Variants in SRL observed in about 807,000 individuals in gnomAD.
The protein encoded by SRL is sarcalumenin.
In SRL, 23 loss-of-function variants were observed where a neutral mutation model predicts 39.5. The ratio of observed to expected loss-of-function variants is 0.58; its 90% CI spans 0.42 to 0.82. SRL has a LOEUF of 0.82. Ranked by LOEUF, SRL falls within the 40% of genes least tolerant of loss-of-function variation. SRL has a pLI of 0.00. For synonymous variants in SRL, 272 were observed against 237.4 expected, an observed-to-expected ratio of 1.15 and a Z score of -1.34; for missense variants, 592 against 607.8, an observed-to-expected ratio of 0.97 and a Z score of 0.27.
intron 3 of SRL, among the ~76,000 whole-genome samples, chr16:4,199,442 G>C (rs992342592): frequency 5.5e-5 from 7 of 127,064 alleles, no homozygotes; most frequent in Non-Finnish European, 1.1e-4. Flanking sequence ...TGTGATCATA[G>C]CTCATATAGC....
intron 5 of SRL, 97 bp from the exon 6 acceptor site, chr16:4,193,061 G>C: frequency 9.4e-7 from 1 of 1,058,654 alleles, no homozygotes; most frequent in Non-Finnish European, 1.3e-6. Flanking sequence ...GTTGAAAGAA[G>C]GAACAGCGCT....
chr16:4,226,282 G>C (rs1461031906), intron 1 of SRL, among the ~76,000 whole-genome samples: 1 of 152,200 alleles, frequency 6.6e-6, no homozygotes, highest in Non-Finnish European at 1.5e-5. Flanking sequence ...GGATGGATGG[G>C]TGGATGAACG....
chr16:4,228,305 C>T (rs979648972), intron 1 of SRL, among the ~76,000 whole-genome samples: 6 of 152,134 alleles, frequency 3.9e-5, no homozygotes, highest in Admixed American at 6.5e-5. Context: ...GATATGGCGG[C>T]GCATGCCTGT....
intron 3 of SRL, among the ~76,000 whole-genome samples, chr16:4,199,372 T>G (rs1182376972): frequency 8.3e-6 from 1 of 120,962 alleles, no homozygotes; most frequent in East Asian, 4.4e-4. Context: ...ATCTTTTTTT[T>G]TTTTTTTTTT....
At chr16:4,205,824 G>C (rs1344503308) in intron 1 of SRL, among the ~76,000 whole-genome samples, 2 of 152,038 alleles carry the variant, frequency 1.3e-5, no homozygotes, top group African/African-American at 2.4e-5. Context: ...TGTAGTCCCA[G>C]CTACTCAGGA....
intron 3 of SRL, among the ~76,000 whole-genome samples, chr16:4,201,686 T>C (rs111250649): frequency 8.1e-6 from 1 of 124,210 alleles, no homozygotes; most frequent in African/African-American, 3.5e-5. Context: ...GATGGAGTCT[T>C]GCTCTGTTAC....
At chr16:4,233,337 T>C (rs2052678694) in intron 1 of SRL, among the ~76,000 whole-genome samples, 1 of 152,216 alleles carries the variant, frequency 6.6e-6, no homozygotes, top group African/African-American at 2.4e-5. Context: ...TCATCTGTCA[T>C]TCATTAGACC....
rs753382086 is a variant in SRL, at chr16:4,242,059, C to T, written c.9G>A (p.Ala3=). The T allele has an allele frequency of 1.3e-5, 21 of 1,611,660 alleles. No individual in the cohort carries two copies. The highest frequency in any genetic ancestry group is 2.2e-5 in the East Asian group (1 of 44,846). Residue 3 remains alanine, a synonymous_variant, in exon 1 of 6, where the codon GCG becomes GCA. Transcript: ENST00000399609. The part of the protein sequence containing the change: MR[A]LVLLGCLLAS... ...CCAGGAGGCAGCCGAGCAGGACCAGCGCCCTCATGGTGACTGCCAAGAGAG... is the reference window on the plus strand; with the variant it reads ...CCAGGAGGCAGCCGAGCAGGACCAGTGCCCTCATGGTGACTGCCAAGAGAG...
chr16:4,230,578 G>A (rs539403479), intron 1 of SRL, among the ~76,000 whole-genome samples: 57 of 151,164 alleles, frequency 3.8e-4, no homozygotes, highest in African/African-American at 1.2e-3. Flanking sequence ...TAGTAGAGAC[G>A]GGGTTTCACC....
At chr16:4,226,319 T>C (rs966677062) in intron 1 of SRL, among the ~76,000 whole-genome samples, 3 of 151,998 alleles carry the variant, frequency 2.0e-5, no homozygotes, top group African/African-American at 7.2e-5. Context: ...GATGAATGAA[T>C]GGAAGGATGG....
intron 1 of SRL, among the ~76,000 whole-genome samples, chr16:4,205,353 C>A (rs1862862): frequency 6.6e-6 from 1 of 151,890 alleles, no homozygotes; most frequent in Non-Finnish European, 1.5e-5. Context: ...GGCTTTAGGG[C>A]TAGGTAGGAG....
At chr16:4,225,067 T>G (rs1384618514) in intron 1 of SRL, among the ~76,000 whole-genome samples, 1 of 151,946 alleles carries the variant, frequency 6.6e-6, no homozygotes, top group Non-Finnish European at 1.5e-5. Context: ...GAAAGCAGAT[T>G]AGTGGTTGCT....
At chr16:4,235,189 T>G (rs922377942) in intron 1 of SRL, among the ~76,000 whole-genome samples, 1 of 152,154 alleles carries the variant, frequency 6.6e-6, no homozygotes, top group African/African-American at 2.4e-5. Flanking sequence ...AGAAGACAGG[T>G]GAGGCCAGGG....
intron 1 of SRL, among the ~76,000 whole-genome samples, chr16:4,221,478 C>T (rs778262549): frequency 6.6e-6 from 1 of 152,170 alleles, no homozygotes; most frequent in Non-Finnish European, 1.5e-5. Flanking sequence ...AGCAAGTGTA[C>T]ATTCCACACT....
chr16:4,192,170 G>A lies in SRL; in HGVS notation c.1405C>T (p.Arg469Cys), dbSNP rs1346423152. The change falls in exon 6 of 6, where the codon CGC becomes TGC. Residue 469 changes from arginine to cysteine, a missense_variant. Physicochemically the swap from Arg to Cys is radical, Grantham distance 180 (BLOSUM62 -3). Transcript: ENST00000399609. The surrounding 1 kb of genome is among the most constrained non-coding windows in gnomAD (Gnocchi z 4.0). Reference protein sequence around the residue: ...KTGCSETPKNRYRKH With the variant: ...KTGCSETPKNCYRKH ...TCCACCACCTAGTGCTTCCTGTAGC[G>A]ATTTTTTGGTGTTTCGCTACACCCT... 4.5e-6 allele frequency: 7 copies of A among 1,553,584 alleles called. No individual in the cohort carries two copies. Among genetic ancestry groups the A allele is most frequent in the Admixed American group, 2.0e-5 (1 of 50,686 alleles).
chr16:4,228,511 G>A (rs573268283), intron 1 of SRL, among the ~76,000 whole-genome samples: 134 of 152,030 alleles, frequency 8.8e-4, no homozygotes, highest in Admixed American at 2.3e-3. Flanking sequence ...CGAGGCGGGC[G>A]GATCACTAGG....
Position 4,203,250 on chromosome 16 carries a change from G to T in SRL, c.175C>A (p.Arg59=), listed in dbSNP as rs373154234. 5 of 1,613,876 alleles carry T rather than the reference G, an allele frequency of 3.1e-6. No homozygotes were observed. The highest frequency in any genetic ancestry group is 2.7e-5 in the African/African-American group (2 of 74,916). ...PSDDYSAVLQ[R]LRKIYHSSIK... ...GATGAGTGGTAGATCTTCCGAAGCCGCTGCAGCACCGCTGGAGACAGAGAG... is the reference window on the plus strand; with the variant it reads ...GATGAGTGGTAGATCTTCCGAAGCCTCTGCAGCACCGCTGGAGACAGAGAG... Residue 59 remains arginine (R), a synonymous_variant, in exon 3 of 6, where the codon CGG becomes AGG. Coordinates refer to ENST00000399609, the MANE Select transcript of SRL (RefSeq NM_001098814.2).
intron 1 of SRL, among the ~76,000 whole-genome samples, chr16:4,221,636 C>G (rs1054902729): frequency 6.6e-6 from 1 of 152,186 alleles, no homozygotes; most frequent in African/African-American, 2.4e-5. Flanking sequence ...TGCACTGATG[C>G]CTGAATGTGG....
Position 4,204,643 on chromosome 16 carries a change from A to G in SRL, c.62-9T>C. On this transcript the variant is annotated splice_polypyrimidine_tract_variant and intron_variant, in intron 1 of 5. Coordinates refer to ENST00000399609, the MANE Select transcript of SRL (RefSeq NM_001098814.2). ...TGCATCCTCCGTCTCTTCTGTGGAG[A>G]GAAGCAGACAGCCAAGTGAGAGCAA... 6.2e-7 allele frequency: 1 copy of G among 1,612,456 alleles called. No individual in the cohort carries two copies. The highest frequency in any genetic ancestry group is 2.2e-5 in the East Asian group (1 of 44,864).
Sources: allele counts gnomAD v4.1 joint callset (sites outside exome capture counted in the v4.1 genomes callset), GRCh38; gene constraint gnomAD v4.1.1; non-coding constraint Gnocchi (gnomAD v3.1); transcripts MANE v1.5; gene names NCBI Gene and HGNC (gene_info 2026-07-23, HGNC 2026-07-21).